GNA14: variants seen among roughly 807,000 people sequenced by gnomAD.
GNA14 encodes G protein subunit alpha 14.
In GNA14, 50 loss-of-function variants were observed where a neutral mutation model predicts 42.0. The observed-to-expected ratio is 1.19, with a 90% confidence interval of 0.95 to 1.51. The LOEUF is 1.51. GNA14 is among the 40% of genes most tolerant of loss of function. GNA14 has a pLI of 0.00. For missense variants in GNA14, 473 were observed against 446.2 expected, an observed-to-expected ratio of 1.06 and a Z score of -0.54; for synonymous variants, 173 against 163.1, an observed-to-expected ratio of 1.06 and a Z score of -0.46.
intron 1 of GNA14, chr9:77,580,343 C>T: frequency 2.9e-6 from 1 of 342,914 alleles, no homozygotes. Flanking sequence ...GTACAATTTA[C>T]ATTGACGCGT....
In GNA14 at chr9:77,430,957, G is replaced by T. The variant is rs73454044; in HGVS notation, c.593+364C>A. 7.0e-3 allele frequency among the ~76,000 whole-genome samples: 1,054 copies of T among 151,614 alleles called. 15 individuals carry two copies. The highest frequency in any genetic ancestry group is 0.024 in the African/African-American group (985 of 41,342). On this transcript the variant is annotated intron_variant, in intron 4 of 6. Transcript: ENST00000341700. ...AGGAAATAGAGGAGAAAGGAAATAT[G>T]ATTCATCTTTAAGGAAAAGACATCG...
intron 1 of GNA14, among the ~76,000 whole-genome samples, chr9:77,613,145 C>T (rs184564126): frequency 1.3e-5 from 2 of 152,148 alleles, no homozygotes; most frequent in East Asian, 1.9e-4. Context: ...GGACCAGGGC[C>T]CCATCTCCAT....
chr9:77,527,452 G>A (rs956711358), intron 2 of GNA14, among the ~76,000 whole-genome samples: 2 of 152,128 alleles, frequency 1.3e-5, no homozygotes, highest in Non-Finnish European at 2.9e-5. Flanking sequence ...GCAGCCCAAT[G>A]CAAATTCATA....
chr9:77,614,024 T>C (rs1823772672), intron 1 of GNA14, among the ~76,000 whole-genome samples: 2 of 152,250 alleles, frequency 1.3e-5, no homozygotes, highest in Admixed American at 1.3e-4. Flanking sequence ...CAGAATATGC[T>C]GGGCTCTGTT....
intron 1 of GNA14, among the ~76,000 whole-genome samples, chr9:77,609,245 A>T (rs576820981): frequency 5.5e-4 from 84 of 152,286 alleles, no homozygotes; most frequent in African/African-American, 1.7e-3. Flanking sequence ...GTCACTTTAT[A>T]ATAAAGTAGC....
chr9:77,500,931 G>A (rs962520447), intron 2 of GNA14, among the ~76,000 whole-genome samples: 4 of 152,038 alleles, frequency 2.6e-5, no homozygotes, highest in Admixed American at 6.6e-5. Context: ...AAATGGCCAG[G>A]AGTAGCTGGG....
chr9:77,614,675 C>T (rs1401559562), intron 1 of GNA14, among the ~76,000 whole-genome samples: 2 of 152,156 alleles, frequency 1.3e-5, no homozygotes, highest in Admixed American at 1.3e-4. Flanking sequence ...AGTCTCAACA[C>T]TCCCTCCAAA....
At chr9:77,465,937 G>A (rs995066803) in intron 2 of GNA14, among the ~76,000 whole-genome samples, 2 of 152,100 alleles carry the variant, frequency 1.3e-5, no homozygotes, top group Non-Finnish European at 2.9e-5. Flanking sequence ...TTTTTTCATT[G>A]CCTCTGGCTT....
At chr9:77,499,618 A>AG (rs971341800) in intron 2 of GNA14, among the ~76,000 whole-genome samples, 8 of 152,122 alleles carry the variant, frequency 5.3e-5, no homozygotes, top group Non-Finnish European at 4.4e-5. Context: ...TGGGAGGCTG[A>AG]GGGGGGTGGA....
chr9:77,460,960 G>A (rs1424549347), intron 2 of GNA14, among the ~76,000 whole-genome samples: 1 of 152,166 alleles, frequency 6.6e-6, no homozygotes, highest in African/African-American at 2.4e-5. Flanking sequence ...GACGTCAAGG[G>A]CTCAGAAAAT....
At chr9:77,424,223 C>T (rs1198408521) in intron 6 of GNA14, 54 bp from the exon 7 acceptor site, 10 of 1,270,652 alleles carry the variant, frequency 7.9e-6, no homozygotes, top group Non-Finnish European at 1.1e-5. Context: ...ACCATGTCCT[C>T]CCAAGAACCT....
At chr9:77,482,636 A>T (rs1836576736) in intron 2 of GNA14, among the ~76,000 whole-genome samples, 1 of 152,168 alleles carries the variant, frequency 6.6e-6, no homozygotes, top group African/African-American at 2.4e-5. Context: ...CCTGGATAAT[A>T]TCCTGCAGAG....
intron 1 of GNA14, among the ~76,000 whole-genome samples, chr9:77,563,381 A>G (rs1822914138): frequency 6.6e-6 from 1 of 152,170 alleles, no homozygotes; most frequent in South Asian, 2.1e-4. Flanking sequence ...TGAATCAGGC[A>G]ATTTCTGGTT....
At chr9:77,570,112 C>T (rs936969412) in intron 1 of GNA14, among the ~76,000 whole-genome samples, 4 of 152,020 alleles carry the variant, frequency 2.6e-5, no homozygotes, top group South Asian at 4.2e-4. Context: ...AATTGTATTT[C>T]GATTAATTTT....
chr9:77,473,977 C>T (rs1472422364), intron 2 of GNA14, among the ~76,000 whole-genome samples: 1 of 152,060 alleles, frequency 6.6e-6, no homozygotes, highest in Admixed American at 6.6e-5. Context: ...AAACTGGATC[C>T]CTACCTCATA....
rs1172872010 is a variant in GNA14 at position 77,493,026 on chromosome 9, AATAT to A, written c.309+36039_309+36042del. 1.4e-4 allele frequency among the ~76,000 whole-genome samples: 7 copies of A among 51,714 alleles called. No individual in the cohort carries two copies. The South Asian group carries it at 1.9e-3, about 14-fold the overall frequency. The allele number at this position is 51,714 out of a possible 152,430, so 33.9% of individuals were successfully genotyped here. ...AGGAAAAAAAAAAAAAAAAAAAAAA[AATAT>A]ATATATATATATATATTTGGGAGAT... On this transcript the variant is annotated intron_variant, in intron 2 of 6. Coordinates refer to ENST00000341700, the MANE Select transcript of GNA14 (RefSeq NM_004297.4).
intron 1 of GNA14, 75 bp from the exon 2 acceptor site, chr9:77,529,328 G>A (rs1357077255): frequency 1.8e-6 from 2 of 1,134,784 alleles, no homozygotes; most frequent in African/African-American, 3.0e-5. Context: ...AGGACCTCCT[G>A]GCAGTATTAA....
At chr9:77,536,875 T>C (rs1244308458) in intron 1 of GNA14, among the ~76,000 whole-genome samples, 1 of 152,248 alleles carries the variant, frequency 6.6e-6, no homozygotes, top group African/African-American at 2.4e-5. Flanking sequence ...TAATTATTTT[T>C]CTAATTTGAG....
intron 2 of GNA14, among the ~76,000 whole-genome samples, chr9:77,444,694 A>C (rs1286929223): frequency 6.6e-6 from 1 of 152,170 alleles, no homozygotes; most frequent in Non-Finnish European, 1.5e-5. Flanking sequence ...TTCAGTCCCC[A>C]TCATAAGCCC....
Sources: gnomAD v4.1 joint callset for allele counts (sites outside exome capture counted in the v4.1 genomes callset) on GRCh38, gnomAD v4.1.1 for gene constraint, MANE v1.5 for transcripts, NCBI Gene and HGNC (gene_info 2026-07-23, HGNC 2026-07-21) for gene names.